MYO16: variants seen among roughly 807,000 people sequenced by gnomAD.
MYO16 encodes unconventional myosin-XVI.
A neutral mutation model predicts 205.3 loss-of-function variants in MYO16; 94 were observed. The ratio of observed to expected loss-of-function variants is 0.46; its 90% CI spans 0.39 to 0.54. The LOEUF is 0.54. Ranked by LOEUF, MYO16 falls within the 20% of genes least tolerant of loss-of-function variation. MYO16 has a pLI of 0.00. For missense variants in MYO16, 2,315 were observed against 2,387.5 expected, an observed-to-expected ratio of 0.97 and a Z score of 0.63; for synonymous variants, 988 against 954.0, an observed-to-expected ratio of 1.04 and a Z score of -0.66.
intron 32 of MYO16, among the ~76,000 whole-genome samples, chr13:109,151,517 G>A (rs1010717000): frequency 1.3e-5 from 2 of 152,124 alleles, no homozygotes; most frequent in African/African-American, 2.4e-5. Context: ...CACTGACTGC[G>A]AGAGACACCT....
chr13:109,120,326 G>A (rs370720330), intron 28 of MYO16, 44 bp from the exon 29 acceptor site: 1 of 1,293,144 alleles, frequency 7.7e-7, no homozygotes, highest in Middle Eastern at 1.9e-4. Flanking sequence ...CATCATTTTG[G>A]TATCTTCATG....
intron 16 of MYO16, among the ~76,000 whole-genome samples, chr13:108,922,092 G>A (rs547606307): frequency 6.6e-6 from 1 of 152,214 alleles, no homozygotes; most frequent in African/African-American, 2.4e-5. Context: ...GTGCGGCTCT[G>A]TCCAGAGCTG....
Position 108,910,058 on chromosome 13 carries a change from C to T in MYO16, c.1833C>T (p.Gly611=), listed in dbSNP as rs1322879722. 6.2e-7 allele frequency: 1 copy of T among 1,613,380 alleles called. No individual in the cohort carries two copies. The highest frequency in any genetic ancestry group is 8.5e-7 in the Non-Finnish European group (1 of 1,179,556). The part of the protein sequence containing the change: ...EKSRLVSQPL[G]QSNFLIFYLL... ...CCAGACTTGTTTCACAACCTCTTGG[C>T]CAGAGCAATTTTCTCATTTTCTACT... is the stretch of plus-strand genomic sequence containing the variant. The change falls in exon 16 of 35, where the codon GGC becomes GGT. Residue 611 remains glycine, a synonymous_variant. Transcript: ENST00000457511.
At chr13:109,149,016 T>C (rs1465866738) in intron 32 of MYO16, among the ~76,000 whole-genome samples, 1 of 152,174 alleles carries the variant, frequency 6.6e-6, no homozygotes, top group Admixed American at 6.5e-5. Context: ...TGACTTTCCT[T>C]GCATGGAATC....
At position 109,093,398 on chromosome 13, in the gene MYO16, G is replaced by A. The variant is rs567442499; in HGVS notation, c.3336-7387G>A. 1.3e-3 allele frequency among the ~76,000 whole-genome samples: 204 copies of A among 152,276 alleles called. 1 individual carries two copies. Among genetic ancestry groups the A allele is most frequent in the Non-Finnish European group, 1.5e-3 (105 of 68,030 alleles). On this transcript the variant is annotated intron_variant, in intron 27 of 34. Coordinates refer to ENST00000457511, the MANE Select transcript of MYO16 (RefSeq NM_001198950.3). ...TCCAGTCAGACAGAGGTGTATGGCA[G>A]TAAAGAGACCAGCCACAGATAAGTA...
In MYO16 at chr13:109,055,698, A is replaced by C; in HGVS notation, c.3335+103A>C. The C allele has an allele frequency of 9.6e-7, 1 of 1,039,974 alleles. No homozygotes were observed. Among genetic ancestry groups the C allele is most frequent in the South Asian group, 1.4e-5 (1 of 69,236 alleles). The allele number at this position is 1,039,974 out of a possible 1,614,324, so 64.4% of individuals were successfully genotyped here. ...AGGGTCTTCTGTTGTCTTTTTTGGC[A>C]CTGCTTTTGTTGTTTACTTTTTTCT... is the stretch of plus-strand genomic sequence containing the variant. On this transcript the variant is annotated intron_variant, in intron 27 of 34. Transcript: ENST00000457511. This position sits in a 1 kb window ranked among gnomAD's most constrained non-coding sequence, Gnocchi z 5.0.
the MYO16 span, among the ~76,000 whole-genome samples, chr13:108,538,802 C>A: frequency 1.3e-5 from 2 of 152,154 alleles, no homozygotes; most frequent in South Asian, 4.1e-4. Flanking sequence ...ACAAAAAATT[C>A]TCACATGGCA....
chr13:109,140,627 T>C lies in MYO16; in HGVS notation c.4415T>C (p.Phe1472Ser). ...PDDGGPGAGS[F>S]LLHGASPPLL... The stretch of plus-strand genomic sequence containing the variant: ...GACGGCGGCCCGGGCGCGGGCTCCT[T>C]CCTGCTCCACGGCGCATCGCCGCCC... Residue 1472 changes from phenylalanine to serine, a missense_variant, in exon 32 of 35, where the codon TTC becomes TCC. By Grantham distance (155) the Phe-to-Ser change is radical (BLOSUM62 -2). Around this residue, in one of 3 missense-constraint regions of MYO16, gnomAD observed 1,097 missense variants for 1,092.0 expected, o/e 1.00. Coordinates refer to ENST00000457511, the MANE Select transcript of MYO16 (RefSeq NM_001198950.3). The surrounding 1 kb of genome is among the most constrained non-coding windows in gnomAD (Gnocchi z 8.0). The C allele has an allele frequency of 2.0e-6, 3 of 1,518,246 alleles. No individual in the cohort carries two copies. The highest frequency in any genetic ancestry group is 2.6e-6 in the Non-Finnish European group (3 of 1,137,930). 94.0% of individuals were successfully genotyped at this position (1,518,246 alleles called of 1,614,324 possible). A position where few individuals can be genotyped will look rare whatever the true frequency, so the allele number is the denominator to read the frequency against.
At chr13:109,113,916 T>C (rs1875535753) in intron 28 of MYO16, among the ~76,000 whole-genome samples, 1 of 152,106 alleles carries the variant, frequency 6.6e-6, no homozygotes, top group African/African-American at 2.4e-5. Flanking sequence ...TCGACATAAA[T>C]GTGTGCACAA....
At chr13:108,522,750 T>A in the MYO16 span, among the ~76,000 whole-genome samples, 1 of 120,406 alleles carries the variant, frequency 8.3e-6, no homozygotes, top group African/African-American at 2.7e-5. Context: ...ATCCTTACCA[T>A]GTGGGGTGTG....
chr13:108,554,429 C>G, the MYO16 span, among the ~76,000 whole-genome samples: 1 of 152,148 alleles, frequency 6.6e-6, no homozygotes, highest in South Asian at 2.1e-4. Flanking sequence ...TGCTTAAACC[C>G]TTAGCTTTGC....
chr13:108,814,065 A>G (rs989732548), intron 7 of MYO16, among the ~76,000 whole-genome samples: 12 of 152,188 alleles, frequency 7.9e-5, no homozygotes, highest in South Asian at 4.1e-4. Context: ...AATTACTTTT[A>G]GTGTTAAAGA....
Position 108,787,441 on chromosome 13 carries a change from A to G in MYO16, c.616+1698A>G, listed in dbSNP as rs116529426. On this transcript the variant is annotated intron_variant, in intron 5 of 34. Transcript: ENST00000457511. ...CTGTTGTTCTGAATTTTTAAAAGCT[A>G]CAGTAATAAATGTTTCTTTTAGAAA... Among the ~76,000 whole-genome samples, 737 of 152,362 alleles carry G rather than the reference A, an allele frequency of 4.8e-3. 5 individuals are homozygous for G. Among genetic ancestry groups the G allele is most frequent in the African/African-American group, 0.017 (703 of 41,584 alleles).
intron 20 of MYO16, among the ~76,000 whole-genome samples, chr13:108,972,545 T>A (rs907476479): frequency 3.3e-5 from 5 of 149,880 alleles, no homozygotes; most frequent in African/African-American, 1.2e-4. Flanking sequence ...TCTTTTTGTT[T>A]CACAGAGTAG....
At chr13:109,150,317 A>G (rs1877585441) in intron 32 of MYO16, among the ~76,000 whole-genome samples, 1 of 152,248 alleles carries the variant, frequency 6.6e-6, no homozygotes, top group Non-Finnish European at 1.5e-5. Context: ...AGCCAGGGCT[A>G]TACTCACAGC....
chr13:108,975,883 A>C lies in MYO16; in HGVS notation c.2369+10981A>C, dbSNP rs898262921. Among the ~76,000 whole-genome samples the C allele has an allele frequency of 4.6e-5, 7 of 152,306 alleles. No homozygotes were observed. In the South Asian group the frequency reaches 1.0e-3, roughly 23 times the overall value. On this transcript the variant is annotated intron_variant, in intron 20 of 34. Transcript: ENST00000457511. ...TTTGGGACTATCCATGTCATTAACT[A>C]GATGATCTATAATGATTGTTAGTAG...
chr13:108,732,499 CG>C (rs1201281402), intron 4 of MYO16, among the ~76,000 whole-genome samples: 4 of 152,028 alleles, frequency 2.6e-5, no homozygotes, highest in African/African-American at 4.8e-5. Flanking sequence ...CCAGAGGGGA[CG>C]GTACATAGAA....
chr13:108,607,396 T>TG (rs1878999283), intron 1 of MYO16, among the ~76,000 whole-genome samples: 1 of 152,118 alleles, frequency 6.6e-6, no homozygotes, highest in South Asian at 2.1e-4. Flanking sequence ...GATTAGATCA[T>TG]GGGGGTGGTT....
At chr13:108,641,598 G>T (rs187871796) in intron 1 of MYO16, among the ~76,000 whole-genome samples, 4 of 152,248 alleles carry the variant, frequency 2.6e-5, no homozygotes, top group Admixed American at 2.6e-4. Flanking sequence ...GCCATTCAAA[G>T]GTTAAATTAT....
Sources: allele counts gnomAD v4.1 joint callset (sites outside exome capture counted in the v4.1 genomes callset), GRCh38; gene constraint gnomAD v4.1.1; regional missense constraint gnomAD v4.1.1; non-coding constraint Gnocchi (gnomAD v3.1); transcripts MANE v1.5; gene names NCBI Gene and HGNC (gene_info 2026-07-23, HGNC 2026-07-21).